Variants in PNPLA7 observed in about 807,000 individuals in gnomAD.
PNPLA7 encodes the protein patatin-like phospholipase domain-containing protein 7.
PNPLA7 carries 153 observed loss-of-function variants against 161.7 expected under a neutral mutation model. That is an observed-to-expected ratio of 0.95 (90% CI 0.83 to 1.08). The LOEUF is 1.08. PNPLA7 is among the 50% of genes least tolerant of loss of function. PNPLA7 has a pLI of 0.00. For synonymous variants in PNPLA7, 809 were observed against 782.1 expected, an observed-to-expected ratio of 1.03 and a Z score of -0.57; for missense variants, 1,739 against 1,856.6, an observed-to-expected ratio of 0.94 and a Z score of 1.16.
chr9:137,550,120 T>C (rs1394094063), intron 1 of PNPLA7, 48 bp downstream of exon 1: 1 of 1,610,418 alleles, frequency 6.2e-7, no homozygotes, highest in Non-Finnish European at 8.5e-7. Flanking sequence ...GGTCCAGAAA[T>C]GCCCCCCAAC....
At chr9:137,483,480 A>T (rs756417505) in intron 21 of PNPLA7, among the ~76,000 whole-genome samples, 1 of 152,164 alleles carries the variant, frequency 6.6e-6, no homozygotes, top group African/African-American at 2.4e-5. Context: ...TTTGAGATAG[A>T]GTCTTGCTCT....
At chr9:137,516,262 G>C in intron 11 of PNPLA7, 1 of 956,374 alleles carries the variant, frequency 1.0e-6, no homozygotes, top group South Asian at 4.8e-5. Flanking sequence ...GTGGCTGTCT[G>C]GGCTCGCCTG....
chr9:137,495,928 A>C (rs546826905), intron 18 of PNPLA7, among the ~76,000 whole-genome samples: 2 of 151,998 alleles, frequency 1.3e-5, no homozygotes, highest in African/African-American at 2.4e-5. Context: ...GGAGCGCGGG[A>C]CTCTGATGGG....
chr9:137,546,751 C>A, intron 4 of PNPLA7, 79 bp downstream of exon 4: 1 of 1,354,180 alleles, frequency 7.4e-7, no homozygotes, highest in East Asian at 2.3e-5. Context: ...CCTGGGGGAG[C>A]CCACAGCAGA....
intron 8 of PNPLA7, among the ~76,000 whole-genome samples, chr9:137,526,826 T>C (rs1835325888): frequency 6.6e-6 from 1 of 152,252 alleles, no homozygotes; most frequent in Non-Finnish European, 1.5e-5. Flanking sequence ...AGTAGTTGTC[T>C]TATAGAATCC....
chr9:137,537,364 C>A lies in PNPLA7; in HGVS notation c.747+3278G>T, dbSNP rs1310268442. ...GTTGGAGTGTCACTCTGTCACCAGG[C>A]TGGAGTGCAGTGGCACAATCTCAGC... On this transcript the variant is annotated intron_variant, in intron 8 of 34. Coordinates refer to ENST00000406427, the MANE Select transcript of PNPLA7 (RefSeq NM_001098537.3). The surrounding 1 kb of genome is among the most constrained non-coding windows in gnomAD (Gnocchi z 4.5). Among the ~76,000 whole-genome samples the A allele has an allele frequency of 6.6e-6, 1 of 152,006 alleles. No homozygotes were observed. Among genetic ancestry groups the A allele is most frequent in the Non-Finnish European group, 1.5e-5 (1 of 68,010 alleles).
Position 137,462,229 on chromosome 9 carries a change from G to C in PNPLA7, c.3595C>G (p.Pro1199Ala), listed in dbSNP as rs562492257. Residue 1199 changes from proline (P) to alanine (A), a missense_variant, in exon 31 of 35, where the codon CCC becomes GCC. Coordinates refer to ENST00000406427, the MANE Select transcript of PNPLA7 (RefSeq NM_001098537.3). Reference protein sequence around the residue: ...SSDYCEYLRPPIDSYSTLDFG... With the variant: ...SSDYCEYLRPAIDSYSTLDFG... Reference sequence around the variant, plus strand: ...TCCAGGGTGCTGTAGCTGTCGATGGGGGGGCGCAGGTACTCGCAGTAGTCA... The same window carrying C: ...TCCAGGGTGCTGTAGCTGTCGATGGCGGGGCGCAGGTACTCGCAGTAGTCA... 9.3e-6 allele frequency: 15 copies of C among 1,606,896 alleles called. No homozygotes were observed. Among genetic ancestry groups the C allele is most frequent in the South Asian group, 3.3e-5 (3 of 90,390 alleles).
Position 137,486,796 on chromosome 9 carries a change from C to CT in PNPLA7, c.2198-2061dup, listed in dbSNP as rs141806202. ...TTCGACGCCCAAGTCTGCCCGGAGC[C>CT]TTTTTTGCTCAAAGCCCCTGGTGCC... is the stretch of plus-strand genomic sequence containing the variant. On this transcript the variant is annotated intron_variant, in intron 20 of 34. Coordinates refer to ENST00000406427, the MANE Select transcript of PNPLA7 (RefSeq NM_001098537.3). The surrounding 1 kb of genome is among the most constrained non-coding windows in gnomAD (Gnocchi z 6.0). Among the ~76,000 whole-genome samples the CT allele has an allele frequency of 0.027, 4,104 of 152,152 alleles. 167 individuals are homozygous for CT. The highest frequency in any genetic ancestry group is 0.093 in the African/African-American group (3,850 of 41,462).
At chr9:137,504,125 AAAAGGAAGAAGAAAAAAG>A (rs1833776457) in intron 14 of PNPLA7, among the ~76,000 whole-genome samples, 3 of 130,028 alleles carry the variant, frequency 2.3e-5, no homozygotes, top group Non-Finnish European at 3.4e-5. Flanking sequence ...AGAAGAAGAA[AAAAGGAAGAAGAAAAAAG>A]AAAGGAAGAA....
chr9:137,497,294 C>T lies in PNPLA7; in HGVS notation c.1906G>A (p.Asp636Asn), dbSNP rs369232623. Residue 636 changes from aspartate (D) to asparagine (N), a missense_variant, in exon 18 of 35, where the codon GAC becomes AAC. Around this residue, in one of 6 missense-constraint regions of PNPLA7, gnomAD observed 481 missense variants for 450.0 expected, o/e 1.07. Coordinates refer to ENST00000406427, the MANE Select transcript of PNPLA7 (RefSeq NM_001098537.3). Reference protein sequence around the residue: ...RAIYRQGDKSDCTYIMLSGRL... With the variant: ...RAIYRQGDKSNCTYIMLSGRL... ...CCGCTGAGCATGATGTACGTGCAGTCGGACTTGTCCCCCTGCCTGCGGAAG... is the reference window on the plus strand; with the variant it reads ...CCGCTGAGCATGATGTACGTGCAGTTGGACTTGTCCCCCTGCCTGCGGAAG... 44 of 1,573,106 alleles carry T rather than the reference C, an allele frequency of 2.8e-5. No individual in the cohort carries two copies. Among genetic ancestry groups the T allele is most frequent in the African/African-American group, 9.6e-5 (7 of 72,854 alleles).
At position 137,547,439 on chromosome 9, in the gene PNPLA7, A is replaced by G; in HGVS notation, c.106-43T>C. 2 of 1,608,844 alleles carry G rather than the reference A, an allele frequency of 1.2e-6. No individual in the cohort carries two copies. The highest frequency in any genetic ancestry group is 1.1e-5 in the South Asian group (1 of 90,986). On this transcript the variant is annotated intron_variant, in intron 2 of 34. Coordinates refer to ENST00000406427, the MANE Select transcript of PNPLA7 (RefSeq NM_001098537.3). The surrounding 1 kb of genome is among the most constrained non-coding windows in gnomAD (Gnocchi z 4.6). ...CACGGCGCCCATCAGCAAAGCCACA[A>G]ACCTAACCCTAGCCCTAAGCCTGCC...
At chr9:137,491,306 C>T (rs886903724) in intron 20 of PNPLA7, among the ~76,000 whole-genome samples, 5 of 152,140 alleles carry the variant, frequency 3.3e-5, no homozygotes, top group Non-Finnish European at 7.3e-5. Flanking sequence ...TGTTTAACAA[C>T]AGTGGGGGGC....
rs1036770291 is a variant in PNPLA7 at position 137,547,442 on chromosome 9, C to T, written c.106-46G>A. On this transcript the variant is annotated intron_variant, in intron 2 of 34. Coordinates refer to ENST00000406427, the MANE Select transcript of PNPLA7 (RefSeq NM_001098537.3). This position sits in a 1 kb window ranked among gnomAD's most constrained non-coding sequence, Gnocchi z 4.6. Reference sequence around the variant, plus strand: ...GGCGCCCATCAGCAAAGCCACAAACCTAACCCTAGCCCTAAGCCTGCCCCC... The same window carrying T: ...GGCGCCCATCAGCAAAGCCACAAACTTAACCCTAGCCCTAAGCCTGCCCCC... 6.2e-7 allele frequency: 1 copy of T among 1,608,808 alleles called. No homozygotes were observed. The highest frequency in any genetic ancestry group is 1.7e-5 in the Admixed American group (1 of 60,024).
intron 13 of PNPLA7, 50 bp downstream of exon 13, chr9:137,505,933 G>A (rs764148844): frequency 9.6e-6 from 15 of 1,560,992 alleles, no homozygotes; most frequent in East Asian, 6.9e-5. Context: ...AGCAAGCCAC[G>A]GAGAGGGTGG....
chr9:137,483,680 C>T (rs954276724), intron 21 of PNPLA7, among the ~76,000 whole-genome samples: 1 of 152,092 alleles, frequency 6.6e-6, no homozygotes, highest in Non-Finnish European at 1.5e-5. Flanking sequence ...TTGTCTAGAA[C>T]TCCTGACCTC....
chr9:137,547,726 G>T lies in PNPLA7; in HGVS notation c.31-67C>A. On this transcript the variant is annotated intron_variant, in intron 1 of 34. Coordinates refer to ENST00000406427, the MANE Select transcript of PNPLA7 (RefSeq NM_001098537.3). This position sits in a 1 kb window ranked among gnomAD's most constrained non-coding sequence, Gnocchi z 4.6. ...TCCCAGCCCGAACTTGTTCAGAGCAGCAGGAGGAGAGCTGGGAGTTAGGGG... is the reference window on the plus strand; with the variant it reads ...TCCCAGCCCGAACTTGTTCAGAGCATCAGGAGGAGAGCTGGGAGTTAGGGG... 6.9e-7 allele frequency: 1 copy of T among 1,452,648 alleles called. No homozygotes were observed. The highest frequency in any genetic ancestry group is 9.7e-7 in the Non-Finnish European group (1 of 1,034,596). 90.0% of individuals were successfully genotyped at this position (1,452,648 alleles called of 1,614,324 possible). A position where few individuals can be genotyped will look rare whatever the true frequency, so the allele number is the denominator to read the frequency against.
chr9:137,543,638 C>T lies in PNPLA7; in HGVS notation c.366-66G>A, dbSNP rs1791210951. On this transcript the variant is annotated intron_variant, in intron 5 of 34. Coordinates refer to ENST00000406427, the MANE Select transcript of PNPLA7 (RefSeq NM_001098537.3). This position sits in a 1 kb window ranked among gnomAD's most constrained non-coding sequence, Gnocchi z 6.9. ...GGTTCGAAACCCACAGCATCAGTGG[C>T]TGACACACCAGGCAGCTCAGGGTTG... The T allele has an allele frequency of 1.2e-6, 2 of 1,608,452 alleles. No homozygotes were observed. Among genetic ancestry groups the T allele is most frequent in the Non-Finnish European group, 1.7e-6 (2 of 1,176,580 alleles).
chr9:137,475,342 G>A (rs118107316), intron 25 of PNPLA7, among the ~76,000 whole-genome samples: 4,155 of 152,258 alleles, frequency 0.027, 92 homozygotes, highest in Non-Finnish European at 0.04. Flanking sequence ...GCCACTGCAC[G>A]CCAGCCTGGG....
At chr9:137,480,171 A>G in intron 23 of PNPLA7, 141 bp downstream of exon 23, 1 of 1,250,764 alleles carries the variant, frequency 8.0e-7, no homozygotes, top group Non-Finnish European at 1.1e-6. Flanking sequence ...TTTTTAAAAC[A>G]TGGGTAGCAG....
Sources: allele counts gnomAD v4.1 joint callset (sites outside exome capture counted in the v4.1 genomes callset), GRCh38; gene constraint gnomAD v4.1.1; regional missense constraint gnomAD v4.1.1; non-coding constraint Gnocchi (gnomAD v3.1); transcripts MANE v1.5; gene names NCBI Gene and HGNC (gene_info 2026-07-23, HGNC 2026-07-21).